The following GMDS variants were observed in gnomAD, a reference collection of about 807,000 sequenced individuals.
GMDS encodes GDP-mannose 4,6 dehydratase.
A neutral mutation model predicts 49.9 loss-of-function variants in GMDS; 20 were observed. The ratio of observed to expected loss-of-function variants is 0.40; its 90% CI spans 0.28 to 0.58. GMDS has a LOEUF of 0.58. Among genes scored for constraint, GMDS ranks in the 20% least tolerant of loss-of-function variants. The pLI, the probability that GMDS is intolerant of heterozygous loss-of-function variation, is 0.42. For missense variants in GMDS, 362 were observed against 481.4 expected, an observed-to-expected ratio of 0.75 and a Z score of 2.32; for synonymous variants, 177 against 178.6, an observed-to-expected ratio of 0.99 and a Z score of 0.07.
chr6:1,754,235 C>T (rs1767848335), intron 7 of GMDS, among the ~76,000 whole-genome samples: 1 of 152,088 alleles, frequency 6.6e-6, no homozygotes, highest in African/African-American at 2.4e-5. Context: ...TACAAACTAC[C>T]ATCAGAGAAT....
At chr6:1,703,859 A>C (rs1026605838) in intron 9 of GMDS, among the ~76,000 whole-genome samples, 1 of 152,268 alleles carries the variant, frequency 6.6e-6, no homozygotes, top group Non-Finnish European at 1.5e-5. Flanking sequence ...CTTGATGTTC[A>C]GATCTATGTT....
intron 9 of GMDS, among the ~76,000 whole-genome samples, chr6:1,632,752 G>A (rs1763034371): frequency 6.6e-6 from 1 of 152,182 alleles, no homozygotes; most frequent in African/African-American, 2.4e-5. Context: ...GGTGGCACTT[G>A]CCTGTGGTCC....
intron 1 of GMDS, among the ~76,000 whole-genome samples, chr6:2,168,759 A>G (rs1777798031): frequency 6.6e-6 from 1 of 152,232 alleles, no homozygotes; most frequent in Admixed American, 6.5e-5. Context: ...CTCTGTTTCT[A>G]AACATAAATT....
At chr6:1,918,185 CATA>C (rs1253255662) in intron 7 of GMDS, among the ~76,000 whole-genome samples, 2 of 151,912 alleles carry the variant, frequency 1.3e-5, no homozygotes, top group Non-Finnish European at 1.5e-5. Context: ...GACGGTTTTC[CATA>C]ATAATAGAGC....
intron 4 of GMDS, among the ~76,000 whole-genome samples, chr6:2,059,524 C>T (rs1015952236): frequency 1.3e-4 from 20 of 148,576 alleles, no homozygotes; most frequent in African/African-American, 4.0e-4. Context: ...CTGGCTAACA[C>T]GGTGAAACCC....
intron 7 of GMDS, among the ~76,000 whole-genome samples, chr6:1,863,661 A>G (rs757873603): frequency 5.3e-5 from 8 of 152,172 alleles, no homozygotes; most frequent in African/African-American, 7.2e-5. Context: ...TCTTCTTTAA[A>G]TTAAAGATTT....
chr6:1,764,652 C>T (rs1043457626), intron 7 of GMDS, among the ~76,000 whole-genome samples: 6 of 152,152 alleles, frequency 3.9e-5, no homozygotes, highest in Non-Finnish European at 8.8e-5. Context: ...CCGTAACGAT[C>T]GTCAAGATAT....
At chr6:1,931,055 A>C (rs536253280) in intron 6 of GMDS, 2 of 152,356 alleles carry the variant, frequency 1.3e-5, no homozygotes, top group East Asian at 1.9e-4. Flanking sequence ...CAAAGTTAAA[A>C]GGCACTTCTG....
chr6:1,629,825 G>A (rs191843780), intron 9 of GMDS, among the ~76,000 whole-genome samples: 39 of 152,300 alleles, frequency 2.6e-4, no homozygotes, highest in African/African-American at 8.2e-4. Flanking sequence ...TGGGATCAGC[G>A]GCTGTTAAGC....
chr6:1,758,883 C>G lies in GMDS; in HGVS notation c.772-16297G>C, dbSNP rs1182081927. On this transcript the variant is annotated intron_variant, in intron 7 of 10. Transcript: ENST00000380815. ...GTCAGGAGTTAGAGACCAGCCTTTT[C>G]TCAAAAAATAATAATAATCCCTACC... 3.3e-5 allele frequency among the ~76,000 whole-genome samples: 5 copies of G among 152,182 alleles called. No homozygotes were observed. In the East Asian group the frequency reaches 9.6e-4, roughly 29 times the overall value.
intron 8 of GMDS, among the ~76,000 whole-genome samples, chr6:1,733,390 G>C (rs1185460101): frequency 1.3e-5 from 2 of 152,228 alleles, no homozygotes; most frequent in African/African-American, 4.8e-5. Flanking sequence ...GAGCTGAATG[G>C]ATGGGGTGAG....
intron 9 of GMDS, among the ~76,000 whole-genome samples, chr6:1,683,162 T>C (rs201869728): frequency 4.6e-5 from 7 of 152,144 alleles, no homozygotes; most frequent in Admixed American, 3.3e-4. Context: ...CTTGCTCTGT[T>C]GCCCAGGCTG....
At chr6:2,098,180 C>T (rs918063576) in intron 4 of GMDS, among the ~76,000 whole-genome samples, 4 of 152,142 alleles carry the variant, frequency 2.6e-5, no homozygotes, top group African/African-American at 4.8e-5. Flanking sequence ...CTGCCTCAGC[C>T]TCCCTGTAGC....
chr6:1,687,844 A>T (rs1230821527), intron 9 of GMDS, among the ~76,000 whole-genome samples: 1 of 152,036 alleles, frequency 6.6e-6, no homozygotes, highest in East Asian at 1.9e-4. Context: ...CATGGGGGTA[A>T]GAGGGCAGGA....
At chr6:2,242,649 G>C (rs1209589553) in intron 1 of GMDS, among the ~76,000 whole-genome samples, 1 of 152,114 alleles carries the variant, frequency 6.6e-6, no homozygotes, top group East Asian at 1.9e-4. Context: ...GTCTCATAAG[G>C]CTCACCACAG....
chr6:1,849,772 C>T (rs1189961766), intron 7 of GMDS, among the ~76,000 whole-genome samples: 1 of 152,002 alleles, frequency 6.6e-6, no homozygotes, highest in Non-Finnish European at 1.5e-5. Flanking sequence ...CTCGACAGAA[C>T]AGACCGAAGC....
chr6:1,674,604 G>A (rs1458699350), intron 9 of GMDS, among the ~76,000 whole-genome samples: 2 of 114,316 alleles, frequency 1.7e-5, no homozygotes, highest in African/African-American at 3.3e-5. Flanking sequence ...TTGCTCTATC[G>A]CCCAGGCTGG....
chr6:1,864,638 G>C (rs1758354161), intron 7 of GMDS, among the ~76,000 whole-genome samples: 2 of 152,110 alleles, frequency 1.3e-5, no homozygotes, highest in Admixed American at 1.3e-4. Context: ...GATGAACTCA[G>C]GATAAAATGG....
intron 4 of GMDS, among the ~76,000 whole-genome samples, chr6:2,031,759 G>T (rs906485134): frequency 1.4e-4 from 21 of 152,328 alleles, no homozygotes; most frequent in Non-Finnish European, 2.6e-4. Flanking sequence ...GGAGCAGAGT[G>T]ACTGTGGGCA....
Sources: allele counts gnomAD v4.1 joint callset (sites outside exome capture counted in the v4.1 genomes callset), GRCh38; gene constraint gnomAD v4.1.1; transcripts MANE v1.5; gene names NCBI Gene and HGNC (gene_info 2026-07-23, HGNC 2026-07-21).